Variants in RANBP17 observed in about 807,000 individuals in gnomAD.
RANBP17 encodes the protein ran-binding protein 17.
A neutral mutation model predicts 141.2 loss-of-function variants in RANBP17; 158 were observed. That is an observed-to-expected ratio of 1.12 (90% CI 0.98 to 1.28). The LOEUF is 1.28. RANBP17 is among the 50% of genes most tolerant of loss of function. The pLI is 0.00. For synonymous variants in RANBP17, 430 were observed against 450.0 expected (o/e 0.96, Z 0.56); for missense variants, 1,438 against 1,290.7 (o/e 1.11, Z -1.75).
At chr5:170,966,582 A>G (rs1255410331) in intron 13 of RANBP17, among the ~76,000 whole-genome samples, 2 of 152,072 alleles carry the variant, frequency 1.3e-5, no homozygotes, top group African/African-American at 2.4e-5. Context: ...CCCACAGCCA[A>G]TATCATACTG....
intron 14 of RANBP17, among the ~76,000 whole-genome samples, chr5:171,159,643 C>T (rs78506240): frequency 0.049 from 7,411 of 152,126 alleles, 231 homozygotes; most frequent in East Asian, 0.12. Context: ...AAATTTGGGC[C>T]GGGCACAGTG....
intron 3 of RANBP17, among the ~76,000 whole-genome samples, chr5:170,887,560 A>C (rs931643692): frequency 4.6e-5 from 7 of 152,206 alleles, no homozygotes; most frequent in African/African-American, 1.7e-4. Context: ...CATATTTAAA[A>C]GATTCATAAC....
chr5:171,261,008 T>C (rs1766279334), intron 24 of RANBP17, among the ~76,000 whole-genome samples: 1 of 150,456 alleles, frequency 6.6e-6, no homozygotes, highest in Non-Finnish European at 1.5e-5. Context: ...TCATGTGGTA[T>C]GAATGTAATA....
chr5:171,058,147 T>C (rs1479381140), intron 14 of RANBP17, among the ~76,000 whole-genome samples: 1 of 152,052 alleles, frequency 6.6e-6, no homozygotes, highest in African/African-American at 2.4e-5. Flanking sequence ...ACCTCACTAA[T>C]AAAATGTATT....
intron 25 of RANBP17, among the ~76,000 whole-genome samples, chr5:171,275,487 A>G (rs1033430408): frequency 6.6e-6 from 1 of 152,162 alleles, no homozygotes; most frequent in African/African-American, 2.4e-5. Context: ...ATTACCACAT[A>G]GGAATTCCAT....
chr5:171,159,180 A>G (rs553146824), intron 14 of RANBP17, among the ~76,000 whole-genome samples: 1 of 152,306 alleles, frequency 6.6e-6, no homozygotes, highest in South Asian at 2.1e-4. Context: ...TTTCAACCAG[A>G]TCATCTTACT....
intron 25 of RANBP17, among the ~76,000 whole-genome samples, chr5:171,289,736 TA>T (rs1768373553): frequency 6.6e-6 from 1 of 151,868 alleles, no homozygotes; most frequent in African/African-American, 2.4e-5. Flanking sequence ...ACCCCATCTC[TA>T]AAAATGAACA....
chr5:171,155,110 T>TATATATAC (rs1554106880), intron 14 of RANBP17, among the ~76,000 whole-genome samples: 2 of 135,344 alleles, frequency 1.5e-5, no homozygotes, highest in African/African-American at 5.7e-5. Flanking sequence ...TATATATATA[T>TATATATAC]ATATATATAT....
chr5:171,114,090 G>GGT (rs953671612), intron 14 of RANBP17, among the ~76,000 whole-genome samples: 2 of 151,842 alleles, frequency 1.3e-5, no homozygotes, highest in African/African-American at 4.8e-5. Flanking sequence ...TTTCTAATAT[G>GGT]GTAAATATCA....
chr5:170,870,758 A>G (rs1767656694), intron 1 of RANBP17, among the ~76,000 whole-genome samples: 1 of 152,204 alleles, frequency 6.6e-6, no homozygotes, highest in South Asian at 2.1e-4. Context: ...GCTTTGTCAA[A>G]TGATATTTCT....
chr5:170,946,129 T>G (rs1472418906), intron 12 of RANBP17, among the ~76,000 whole-genome samples: 1 of 152,150 alleles, frequency 6.6e-6, no homozygotes, highest in Non-Finnish European at 1.5e-5. Context: ...TAGGGACTTG[T>G]AATATTAAAT....
chr5:170,947,138 CTTTAA>C (rs201741794), intron 12 of RANBP17, among the ~76,000 whole-genome samples: 1,629 of 152,128 alleles, frequency 0.011, 24 homozygotes, highest in African/African-American at 0.038. Flanking sequence ...GGAGAAGTTG[CTTTAA>C]TTTAAGCAAT....
chr5:171,236,783 G>C (rs1258305761), intron 22 of RANBP17, among the ~76,000 whole-genome samples: 1 of 152,134 alleles, frequency 6.6e-6, no homozygotes, highest in Non-Finnish European at 1.5e-5. Flanking sequence ...TTGTAGATGA[G>C]GAAACTGTGA....
intron 14 of RANBP17, among the ~76,000 whole-genome samples, chr5:171,007,852 A>G (rs1467153431): frequency 6.6e-6 from 1 of 152,132 alleles, no homozygotes; most frequent in East Asian, 1.9e-4. Flanking sequence ...GCTAAGGAGA[A>G]GAAGGAGGAA....
intron 14 of RANBP17, among the ~76,000 whole-genome samples, chr5:171,149,584 T>TA (rs1758326275): frequency 6.6e-6 from 1 of 152,240 alleles, no homozygotes; most frequent in Admixed American, 6.5e-5. Context: ...ATTGCTTTCT[T>TA]ACAGTGTCCA....
intron 14 of RANBP17, among the ~76,000 whole-genome samples, chr5:171,108,579 AT>A (rs1301549390): frequency 6.6e-6 from 1 of 151,738 alleles, no homozygotes; most frequent in Non-Finnish European, 1.5e-5. Flanking sequence ...CGCCCTGATG[AT>A]TTTTTTATAT....
intron 24 of RANBP17, among the ~76,000 whole-genome samples, chr5:171,244,843 A>C (rs1026703102): frequency 1.3e-5 from 2 of 152,086 alleles, no homozygotes; most frequent in African/African-American, 4.8e-5. Context: ...GATTTATAAT[A>C]GGCCAGGCGC....
chr5:170,908,189 C>G (rs955784194), intron 5 of RANBP17, among the ~76,000 whole-genome samples: 10 of 151,780 alleles, frequency 6.6e-5, no homozygotes, highest in African/African-American at 2.4e-4. Flanking sequence ...TCCCCCCAAA[C>G]CCAAATCTGT....
chr5:171,089,195 C>T (rs570851247), intron 14 of RANBP17, among the ~76,000 whole-genome samples: 40 of 143,160 alleles, frequency 2.8e-4, no homozygotes, highest in Admixed American at 2.1e-3. Context: ...CCCTCAGCTG[C>T]AGGTCTGTTG....
Sources: gnomAD v4.1 joint callset for allele counts (sites outside exome capture counted in the v4.1 genomes callset) on GRCh38, gnomAD v4.1.1 for gene constraint, MANE v1.5 for transcripts, NCBI Gene and HGNC (gene_info 2026-07-23, HGNC 2026-07-21) for gene names.